The following EIF2AK1 variants were observed in gnomAD, a reference collection of about 807,000 sequenced individuals.
EIF2AK1 encodes the protein eukaryotic translation initiation factor 2-alpha kinase 1.
Under a neutral mutation model 77.9 loss-of-function variants are expected in EIF2AK1, and 54 were observed. The observed-to-expected ratio is 0.69, with a 90% CI of 0.56 to 0.87. The LOEUF (loss-of-function observed/expected upper bound fraction) is 0.87. EIF2AK1 is among the 40% of genes least tolerant of loss of function. EIF2AK1 has a pLI of 0.00. For synonymous variants in EIF2AK1, 314 were observed against 290.5 expected (o/e 1.08, Z -0.82); for missense variants, 810 against 768.6 (o/e 1.05, Z -0.64).
intron 7 of EIF2AK1, 130 bp downstream of exon 7, chr7:6,044,432 C>T (rs903376654): frequency 4.7e-5 from 33 of 698,674 alleles, no homozygotes; most frequent in African/African-American, 3.1e-4. Flanking sequence ...AGTGAGACTC[C>T]GTCTCAAAAA....
At chr7:6,042,894 G>T (rs1184545822) in intron 8 of EIF2AK1, 39 bp downstream of exon 8, 1 of 1,562,862 alleles carries the variant, frequency 6.4e-7, no homozygotes, top group Admixed American at 1.7e-5. Flanking sequence ...CCCAATGCAG[G>T]TGACAAGAGG....
intron 14 of EIF2AK1, 36 bp from the exon 15 acceptor site, chr7:6,024,837 A>G (rs202201873): frequency 7.2e-5 from 102 of 1,416,496 alleles, no homozygotes; most frequent in Admixed American, 2.3e-4. Flanking sequence ...CCATTAAAAT[A>G]ACTTTTTTTT....
chr7:6,040,100 G>T (rs775673073), intron 9 of EIF2AK1, among the ~76,000 whole-genome samples: 11 of 151,476 alleles, frequency 7.3e-5, no homozygotes, highest in South Asian at 4.2e-4. Flanking sequence ...TATTTTTTTT[G>T]AAACAGTCTT....
intron 11 of EIF2AK1, chr7:6,031,364 T>G (rs1402173030): frequency 2.3e-5 from 35 of 1,549,396 alleles, no homozygotes; most frequent in Non-Finnish European, 3.0e-5. Flanking sequence ...CCTGAAGTCT[T>G]AAGTTTTTCT....
chr7:6,051,385 C>T (rs551761228), intron 2 of EIF2AK1, among the ~76,000 whole-genome samples: 1 of 151,664 alleles, frequency 6.6e-6, no homozygotes, highest in Non-Finnish European at 1.5e-5. Context: ...GATTTTCCTG[C>T]CTCAGTCGCC....
intron 11 of EIF2AK1, chr7:6,031,543 C>A: frequency 6.4e-7 from 1 of 1,550,756 alleles, no homozygotes. Flanking sequence ...TCAACCAGCC[C>A]ATCACCATTC....
chr7:6,024,150 T>G lies in EIF2AK1; in HGVS notation c.*523A>C. Reference sequence around the variant, plus strand: ...AGAGAACAGATAAAAAGGTTGGAAGTTGCACACTGTACACTGTTAAGAAGT... The same window carrying G: ...AGAGAACAGATAAAAAGGTTGGAAGGTGCACACTGTACACTGTTAAGAAGT... On this transcript the variant is annotated 3_prime_UTR_variant, in exon 15 of 15. Coordinates refer to ENST00000199389, the MANE Select transcript of EIF2AK1 (RefSeq NM_014413.4). 7.7e-7 allele frequency: 1 copy of G among 1,292,728 alleles called. No homozygotes were observed. Among genetic ancestry groups the G allele is most frequent in the South Asian group, 1.2e-5 (1 of 81,032 alleles). The allele number at this position is 1,292,728 out of a possible 1,614,324, so 80.1% of individuals were successfully genotyped here.
rs1375251709 is a variant in EIF2AK1 at position 6,059,111 on chromosome 7, G to A, written c.-28C>T. 2.2e-6 allele frequency: 3 copies of A among 1,337,838 alleles called. No individual in the cohort carries two copies. The Admixed American group carries it at 1.2e-4, about 55-fold the overall frequency. The allele number at this position is 1,337,838 out of a possible 1,614,324, so 82.9% of individuals were successfully genotyped here. A position where few individuals can be genotyped will look rare whatever the true frequency, so the allele number is the denominator to read the frequency against. ...CCGGCCGCGCGCGGGCCGCAGCCCAGCCCGCCGGCCAGCCCAGCACTGCCA... is the reference window on the plus strand; with the variant it reads ...CCGGCCGCGCGCGGGCCGCAGCCCAACCCGCCGGCCAGCCCAGCACTGCCA... On this transcript the variant is annotated 5_prime_UTR_variant, in exon 1 of 15. Transcript: ENST00000199389.
rs959083839 is a variant in EIF2AK1, at chr7:6,029,111, T to A, written c.1333-79A>T. On this transcript the variant is annotated intron_variant, in intron 11 of 14. Coordinates refer to ENST00000199389, the MANE Select transcript of EIF2AK1 (RefSeq NM_014413.4). ...TATCTTGTAAATGTTTTTAAGTGTT[T>A]GGAACTCAGGAGCAAGCAGCCCCTC... is the stretch of plus-strand genomic sequence containing the variant. 1.5e-5 allele frequency: 19 copies of A among 1,226,922 alleles called. 1 individual carries two copies. The highest frequency in any genetic ancestry group is 1.5e-4 in the African/African-American group (10 of 65,566). The allele number at this position is 1,226,922 out of a possible 1,614,324, so 76.0% of individuals were successfully genotyped here. A position where few individuals can be genotyped will look rare whatever the true frequency, so the allele number is the denominator to read the frequency against.
rs150073939 is a variant in EIF2AK1, at chr7:6,023,826, T to C, written c.*847A>G. The C allele has an allele frequency of 4.4e-3, 6,899 of 1,559,934 alleles. 41 individuals are homozygous for C. The highest frequency in any genetic ancestry group is 0.019 in the Middle Eastern group (114 of 5,996). On this transcript the variant is annotated 3_prime_UTR_variant, in exon 15 of 15. Transcript: ENST00000199389. ...TTGTCAAGTGTCAATAAAAGCATCA[T>C]GTAATTTATGGTTTTCATTTTATTT...
intron 2 of EIF2AK1, among the ~76,000 whole-genome samples, chr7:6,052,413 GC>G (rs1047968217): frequency 6.6e-6 from 1 of 151,622 alleles, no homozygotes; most frequent in African/African-American, 2.4e-5. Context: ...TGCTTGGAAT[GC>G]AGAGTGTATT....
At chr7:6,056,093 G>T (rs1788750614) in intron 1 of EIF2AK1, among the ~76,000 whole-genome samples, 1 of 150,940 alleles carries the variant, frequency 6.6e-6, no homozygotes, top group African/African-American at 2.4e-5. Context: ...AGGAGCTCAG[G>T]ACCAGCCTGG....
At chr7:6,031,944 T>G (rs1262504819) in intron 11 of EIF2AK1, among the ~76,000 whole-genome samples, 1 of 152,086 alleles carries the variant, frequency 6.6e-6, no homozygotes, top group Non-Finnish European at 1.5e-5. Context: ...AAGGCTGAGG[T>G]GGGTGGATCA....
intron 10 of EIF2AK1, 53 bp from the exon 11 acceptor site, chr7:6,037,577 G>A (rs1327310049): frequency 4.7e-6 from 5 of 1,070,972 alleles, no homozygotes; most frequent in Non-Finnish European, 7.1e-6. Context: ...CTCATTACAT[G>A]GGCATCTAAA....
At chr7:6,055,361 A>AAG (rs1554324256) in intron 1 of EIF2AK1, among the ~76,000 whole-genome samples, 4 of 151,372 alleles carry the variant, frequency 2.6e-5, no homozygotes, top group Admixed American at 6.6e-5. Context: ...AAAAAAAAAA[A>AAG]AAGAAGTTGG....
chr7:6,049,791 C>G, intron 3 of EIF2AK1, 121 bp downstream of exon 3: 2 of 990,310 alleles, frequency 2.0e-6, no homozygotes, highest in Non-Finnish European at 2.9e-6. Context: ...CATGCCTGGC[C>G]TAGAGTTTAT....
intron 1 of EIF2AK1, among the ~76,000 whole-genome samples, chr7:6,057,832 G>T (rs949212635): frequency 6.6e-5 from 10 of 152,106 alleles, no homozygotes; most frequent in African/African-American, 2.4e-4. Flanking sequence ...GTTTCACCAT[G>T]ATGACCAGGC....
intron 7 of EIF2AK1, 79 bp from the exon 8 acceptor site, chr7:6,043,072 A>C (rs1462958036): frequency 2.2e-5 from 30 of 1,352,630 alleles, no homozygotes; most frequent in Non-Finnish European, 2.6e-5. Flanking sequence ...TAAAATATAC[A>C]AATAGTGTCA....
In EIF2AK1 at chr7:6,024,816, T is replaced by C; in HGVS notation, c.1765-15A>G. 1 of 1,477,220 alleles carries C rather than the reference T, an allele frequency of 6.8e-7. No homozygotes were observed. The allele number at this position is 1,477,220 out of a possible 1,614,324, so 91.5% of individuals were successfully genotyped here. A position where few individuals can be genotyped will look rare whatever the true frequency, so the allele number is the denominator to read the frequency against. On this transcript the variant is annotated splice_polypyrimidine_tract_variant and intron_variant, in intron 14 of 14. Coordinates refer to ENST00000199389, the MANE Select transcript of EIF2AK1 (RefSeq NM_014413.4). ...GTGAGGTTAACCTGTAAGGAGAAAA[T>C]ATTTTAAACTCCATTAAAATAACTT...
Sources: allele counts gnomAD v4.1 joint callset (sites outside exome capture counted in the v4.1 genomes callset), GRCh38; gene constraint gnomAD v4.1.1; transcripts MANE v1.5; gene names NCBI Gene and HGNC (gene_info 2026-07-23, HGNC 2026-07-21).